Variants in ELAVL2 observed in about 807,000 individuals in gnomAD.
ELAVL2 encodes ELAV-like protein 2.
In ELAVL2, 4 loss-of-function variants were observed where a neutral mutation model predicts 34.6. That is an observed-to-expected ratio of 0.12 (90% CI 0.06 to 0.26). The LOEUF (loss-of-function observed/expected upper bound fraction) is 0.26. Ranked by LOEUF, ELAVL2 falls within the 10% of genes least tolerant of loss-of-function variation. The pLI, the probability that ELAVL2 is intolerant of heterozygous loss-of-function variation, is 1.00. For synonymous variants in ELAVL2, 193 were observed against 154.8 expected (o/e 1.25, Z -1.83); for missense variants, 432 against 442.8 (o/e 0.98, Z 0.22).
At chr9:23,746,813 T>C (rs937639476) in intron 2 of ELAVL2, among the ~76,000 whole-genome samples, 1 of 128,630 alleles carries the variant, frequency 7.8e-6, no homozygotes, top group Non-Finnish European at 1.6e-5. Context: ...CCATGTAAAC[T>C]GAAAAAGAAA....
At chr9:23,731,340 G>A (rs374222322) in intron 2 of ELAVL2, among the ~76,000 whole-genome samples, 2 of 148,856 alleles carry the variant, frequency 1.3e-5, no homozygotes, top group African/African-American at 4.9e-5. Flanking sequence ...TGCTGTTTAG[G>A]AAAAAAAAAA....
intron 2 of ELAVL2, among the ~76,000 whole-genome samples, chr9:23,752,536 C>A (rs1194405360): frequency 6.6e-6 from 1 of 151,518 alleles, no homozygotes; most frequent in African/African-American, 2.4e-5. Context: ...CTCACTGCAA[C>A]CTCCGCCTCC....
rs182246948 is a variant in ELAVL2, at chr9:23,803,403, C to T, written c.-16+22403G>A. Among the ~76,000 whole-genome samples the T allele has an allele frequency of 2.3e-3, 348 of 152,334 alleles. 2 individuals are homozygous for T. Among genetic ancestry groups the T allele is most frequent in the African/African-American group, 8.0e-3 (334 of 41,564 alleles). Reference sequence around the variant, plus strand: ...TTGAGTATCTTATGAGTCTCTCCTACACAATACAAAGCATGCCAGAAGCAG... The same window carrying T: ...TTGAGTATCTTATGAGTCTCTCCTATACAATACAAAGCATGCCAGAAGCAG... On this transcript the variant is annotated intron_variant, in intron 1 of 6. Transcript: ENST00000397312.
intron 1 of ELAVL2, among the ~76,000 whole-genome samples, chr9:23,818,305 C>T (rs543352542): frequency 1.8e-4 from 28 of 152,230 alleles, no homozygotes; most frequent in Admixed American, 5.9e-4. Context: ...GGGAAGGCAA[C>T]TAACCAGGAA....
chr9:23,771,255 G>A (rs577429471), intron 1 of ELAVL2, among the ~76,000 whole-genome samples: 2 of 152,208 alleles, frequency 1.3e-5, no homozygotes, highest in Admixed American at 1.3e-4. Context: ...AATTACATCA[G>A]TACACTGTTG....
At chr9:23,760,271 AATG>A (rs2054655485) in intron 2 of ELAVL2, among the ~76,000 whole-genome samples, 1 of 151,998 alleles carries the variant, frequency 6.6e-6, no homozygotes, top group African/African-American at 2.4e-5. Context: ...CATCTTATAA[AATG>A]ATAAAATGTA....
At chr9:23,841,524 G>A in the ELAVL2 span, among the ~76,000 whole-genome samples, 3 of 151,804 alleles carry the variant, frequency 2.0e-5, no homozygotes, top group African/African-American at 7.3e-5. Flanking sequence ...TTACCTAAGG[G>A]CTCATTGAGA....
chr9:23,806,758 A>C (rs560991483), intron 1 of ELAVL2, among the ~76,000 whole-genome samples: 1 of 152,314 alleles, frequency 6.6e-6, no homozygotes, highest in South Asian at 2.1e-4. Flanking sequence ...AAACCAATAT[A>C]AAAAGCTATT....
chr9:23,766,484 A>C (rs2056282486), intron 1 of ELAVL2, among the ~76,000 whole-genome samples: 1 of 152,108 alleles, frequency 6.6e-6, no homozygotes, highest in Admixed American at 6.6e-5. Context: ...TGCTCACTAC[A>C]TAAAACAGAT....
intron 2 of ELAVL2, among the ~76,000 whole-genome samples, chr9:23,759,758 A>T (rs1235530802): frequency 2.4e-5 from 2 of 82,488 alleles, no homozygotes; most frequent in African/African-American, 1.4e-4. Context: ...ATAGTATTAT[A>T]TATATATATA....
chr9:23,762,642 A>G (rs1388965760), intron 1 of ELAVL2, among the ~76,000 whole-genome samples: 2 of 152,108 alleles, frequency 1.3e-5, no homozygotes, highest in African/African-American at 4.8e-5. Context: ...CATGCTACAA[A>G]AATGAACAAA....
At chr9:23,822,493 C>T (rs934659678) in intron 1 of ELAVL2, among the ~76,000 whole-genome samples, 1 of 152,140 alleles carries the variant, frequency 6.6e-6, no homozygotes. Context: ...AACTCTTCAC[C>T]GAGGGGGCGT....
At chr9:23,817,332 T>C (rs117289336) in intron 1 of ELAVL2, among the ~76,000 whole-genome samples, 1,805 of 152,258 alleles carry the variant, frequency 0.012, 16 homozygotes, top group Non-Finnish European at 0.019. Context: ...TGGGTTATTT[T>C]ACCTATTTTA....
intron 2 of ELAVL2, among the ~76,000 whole-genome samples, chr9:23,749,054 A>G (rs2051233398): frequency 6.6e-6 from 1 of 152,124 alleles, no homozygotes; most frequent in Non-Finnish European, 1.5e-5. Context: ...CTGGAAATGG[A>G]TAAGGGTGAC....
At chr9:23,753,741 C>A (rs1019857730) in intron 2 of ELAVL2, among the ~76,000 whole-genome samples, 46 of 152,164 alleles carry the variant, frequency 3.0e-4, no homozygotes, top group African/African-American at 9.4e-4. Flanking sequence ...TCTTCTATAC[C>A]ACCAATCTCC....
chr9:23,712,233 C>T (rs1291352242), intron 3 of ELAVL2, among the ~76,000 whole-genome samples: 1 of 152,076 alleles, frequency 6.6e-6, no homozygotes, highest in Non-Finnish European at 1.5e-5. Flanking sequence ...GGGTGTAGGA[C>T]TCGCGGTCTT....
At chr9:23,751,234 C>G (rs575903973) in intron 2 of ELAVL2, among the ~76,000 whole-genome samples, 1 of 152,018 alleles carries the variant, frequency 6.6e-6, no homozygotes, top group African/African-American at 2.4e-5. Context: ...ACAAAAAGTA[C>G]AATGATGAGA....
chr9:23,785,942 C>T (rs759308981), intron 1 of ELAVL2, among the ~76,000 whole-genome samples: 3 of 152,162 alleles, frequency 2.0e-5, no homozygotes, highest in Non-Finnish European at 4.4e-5. Context: ...CTTTTCGGTA[C>T]TTGAAGGTCA....
At chr9:23,732,361 C>T (rs2046789468) in intron 2 of ELAVL2, among the ~76,000 whole-genome samples, 1 of 152,096 alleles carries the variant, frequency 6.6e-6, no homozygotes, top group Admixed American at 6.6e-5. Flanking sequence ...ATTTTGGGAC[C>T]ACAATCAGAA....
Sources: gnomAD v4.1 joint callset for allele counts (sites outside exome capture counted in the v4.1 genomes callset) on GRCh38, gnomAD v4.1.1 for gene constraint, MANE v1.5 for transcripts, NCBI Gene and HGNC (gene_info 2026-07-23, HGNC 2026-07-21) for gene names.